The following TRIM33 variants were observed in gnomAD, a reference collection of about 807,000 sequenced individuals.
TRIM33 encodes the protein E3 ubiquitin-protein ligase TRIM33.
In TRIM33, 20 loss-of-function variants were observed where a neutral mutation model predicts 125.4. That is an observed-to-expected ratio of 0.16 (90% CI 0.11 to 0.23). TRIM33 has a LOEUF of 0.23. TRIM33 is among the 10% of genes least tolerant of loss of function. The probability of loss-of-function intolerance (pLI) is 1.00; values close to 1 mark genes in which losing one functional copy is unlikely to be tolerated. For missense variants in TRIM33, 920 were observed against 1,411.4 expected, an observed-to-expected ratio of 0.65 and a Z score of 5.58; for synonymous variants, 564 against 513.9, an observed-to-expected ratio of 1.10 and a Z score of -1.32.
intron 2 of TRIM33, 67 bp from the exon 3 acceptor site, chr1:114,463,623 A>C (rs916397197): frequency 6.4e-6 from 6 of 935,996 alleles, no homozygotes; most frequent in South Asian, 4.6e-5. Flanking sequence ...AAAAAAAAAA[A>C]CTTGTTCTTC....
rs1192871692 is a variant in TRIM33, at chr1:114,402,879, C to T, written c.2773G>A (p.Asp925Asn). The stretch of plus-strand genomic sequence containing the variant: ...TCTCTACAAAATGTGCATATCCAGT[C>T]CCCACTAGACAGGGAAATAGGCAAT... ...VPTLLSFPSGDWICTFCRDIG... is the reference protein window; with the variant it reads ...VPTLLSFPSGNWICTFCRDIG... Residue 925 changes from aspartate to asparagine, a missense_variant, in exon 16 of 20, where the codon GAC (aspartate) becomes AAC (asparagine). By Grantham distance (23) the Asp-to-Asn change is conservative. This residue lies in a region of TRIM33 where 9 missense variants were observed against 56.2 expected (regional missense o/e 0.16). Transcript: ENST00000358465. The T allele has an allele frequency of 6.2e-6, 10 of 1,610,022 alleles. No individual in the cohort carries two copies. The highest frequency in any genetic ancestry group is 8.5e-6 in the Non-Finnish European group (10 of 1,178,702).
chr1:114,425,330 T>G, intron 9 of TRIM33, 119 bp downstream of exon 9: 2 of 1,334,428 alleles, frequency 1.5e-6, no homozygotes, highest in Non-Finnish European at 2.1e-6. Context: ...AAACTCTGAC[T>G]TTTGAACTCT....
chr1:114,510,489 A>C, intron 1 of TRIM33, 62 bp downstream of exon 1: 6 of 1,391,076 alleles, frequency 4.3e-6, no homozygotes, highest in Non-Finnish European at 4.7e-6. Context: ...CTCCGTCCCC[A>C]GCTCCTCTAG....
At chr1:114,426,999 A>G (rs11805346) in intron 8 of TRIM33, among the ~76,000 whole-genome samples, 178 bp downstream of exon 8, 4,005 of 152,320 alleles carry the variant, frequency 0.026, 91 homozygotes, top group Non-Finnish European at 0.034. Flanking sequence ...TTAAGATGTA[A>G]TAACAGCCAC....
chr1:114,437,829 TGCTTA>T (rs1337611229), intron 4 of TRIM33, among the ~76,000 whole-genome samples: 1 of 152,230 alleles, frequency 6.6e-6, no homozygotes, highest in Non-Finnish European at 1.5e-5. Flanking sequence ...TTAATCAGCA[TGCTTA>T]GCTTTTTTAA....
chr1:114,451,374 T>TA (rs11419050), intron 4 of TRIM33, among the ~76,000 whole-genome samples: 26,860 of 135,636 alleles, frequency 0.2, 2,793 homozygotes, highest in African/African-American at 0.26. Context: ...TACCCTGCTT[T>TA]AAAAAAAAAA....
In TRIM33 at chr1:114,502,926, T is replaced by C. The variant is rs147150859; in HGVS notation, c.526+7625A>G. ...AAGATCTCTTTAACATGTGGTTTAA[T>C]AGAATATGGCTGGATATATGCTTCT... is the stretch of plus-strand genomic sequence containing the variant. On this transcript the variant is annotated intron_variant, in intron 1 of 19. Coordinates refer to ENST00000358465, the MANE Select transcript of TRIM33 (RefSeq NM_015906.4). Among the ~76,000 whole-genome samples the C allele has an allele frequency of 7.0e-3, 1,070 of 152,338 alleles. 8 individuals are homozygous for C. The highest frequency in any genetic ancestry group is 0.016 in the African/African-American group (666 of 41,568).
rs964264126 is a variant in TRIM33 at position 114,395,862 on chromosome 1, T to C, written c.*1786A>G. On this transcript the variant is annotated 3_prime_UTR_variant, in exon 20 of 20. Transcript: ENST00000358465. ...ACACAACCAGAAAGCCTGAATCATA[T>C]TCCTGTTTACCCCCACCCCTTGTTA... 4.1e-5 allele frequency: 8 copies of C among 193,040 alleles called. No individual in the cohort carries two copies. The highest frequency in any genetic ancestry group is 1.9e-4 in the African/African-American group (8 of 43,124). 12.0% of individuals were successfully genotyped at this position (193,040 alleles called of 1,614,324 possible).
intron 11 of TRIM33, among the ~76,000 whole-genome samples, chr1:114,414,027 GCACACACACACACACACACA>G (rs3077592): frequency 5.4e-5 from 7 of 130,588 alleles, no homozygotes; most frequent in African/African-American, 1.5e-4. Flanking sequence ...TAAATCACAG[GCACACACACACACACACACA>G]CACACACACA....
At chr1:114,476,776 CA>C (rs935499546) in intron 1 of TRIM33, among the ~76,000 whole-genome samples, 3 of 151,938 alleles carry the variant, frequency 2.0e-5, no homozygotes, top group African/African-American at 7.3e-5. Flanking sequence ...TATGATTCAT[CA>C]AAAGCAAAAC....
intron 15 of TRIM33, chr1:114,404,603 G>A (rs1002282107): frequency 1.3e-5 from 2 of 152,030 alleles, no homozygotes; most frequent in Admixed American, 1.3e-4. Context: ...TTCTAAATAA[G>A]AGTAAAGAAA....
chr1:114,420,442 C>A lies in TRIM33; in HGVS notation c.2061+994G>T, dbSNP rs767424681. ...TCATACCAGGAGTGCATCATCGGAA[C>A]AACGTTTGCCTGTGGCAGGTGTAGA... On this transcript the variant is annotated intron_variant, in intron 11 of 19. Transcript: ENST00000358465. The A allele has an allele frequency of 4.5e-5, 60 of 1,333,520 alleles. No homozygotes were observed. The South Asian group carries it at 7.1e-4, about 16-fold the overall frequency. 82.6% of individuals were successfully genotyped at this position (1,333,520 alleles called of 1,614,324 possible). A position where few individuals can be genotyped will look rare whatever the true frequency, so the allele number is the denominator to read the frequency against.
intron 10 of TRIM33, among the ~76,000 whole-genome samples, chr1:114,423,552 A>G (rs1335438908): frequency 1.3e-5 from 2 of 151,924 alleles, no homozygotes; most frequent in Admixed American, 6.6e-5. Flanking sequence ...GAGCGAGTAT[A>G]TATTTTTTCT....
At chr1:114,404,651 T>C (rs1389221535) in intron 15 of TRIM33, 1 of 152,118 alleles carries the variant, frequency 6.6e-6, no homozygotes, top group Non-Finnish European at 1.5e-5. Flanking sequence ...AATAACTCTA[T>C]CTCCAAAGAC....
intron 1 of TRIM33, among the ~76,000 whole-genome samples, chr1:114,486,814 G>A (rs1372982575): frequency 6.6e-6 from 1 of 152,062 alleles, no homozygotes; most frequent in African/African-American, 2.4e-5. Flanking sequence ...CAGGCCGGGT[G>A]CAGTGGCTCA....
At chr1:114,496,008 T>G (rs1212556835) in intron 1 of TRIM33, among the ~76,000 whole-genome samples, 1 of 152,190 alleles carries the variant, frequency 6.6e-6, no homozygotes, top group East Asian at 1.9e-4. Flanking sequence ...TCACAACAAA[T>G]GAAGGTAATG....
At chr1:114,466,981 C>T (rs1430573033) in intron 1 of TRIM33, among the ~76,000 whole-genome samples, 4 of 152,158 alleles carry the variant, frequency 2.6e-5, no homozygotes, top group Admixed American at 2.6e-4. Flanking sequence ...CTATTACTAT[C>T]CCCACATTAA....
chr1:114,490,008 T>G (rs1214265292), intron 1 of TRIM33, among the ~76,000 whole-genome samples: 1 of 138,780 alleles, frequency 7.2e-6, no homozygotes, highest in Non-Finnish European at 1.5e-5. Flanking sequence ...CCCAGCACTT[T>G]AGGAGGCCGA....
chr1:114,500,812 A>G (rs1164556434), intron 1 of TRIM33, among the ~76,000 whole-genome samples: 9 of 152,208 alleles, frequency 5.9e-5, no homozygotes, highest in Non-Finnish European at 1.2e-4. Context: ...TAAAAAGTGT[A>G]TCAGTTATCT....
Sources: allele counts gnomAD v4.1 joint callset (sites outside exome capture counted in the v4.1 genomes callset), GRCh38; gene constraint gnomAD v4.1.1; regional missense constraint gnomAD v4.1.1; transcripts MANE v1.5; gene names NCBI Gene and HGNC (gene_info 2026-07-23, HGNC 2026-07-21).